KSR2: variants seen among roughly 807,000 people sequenced by gnomAD.
The protein encoded by KSR2 is kinase suppressor of ras 2.
KSR2 carries 25 observed loss-of-function variants against 107.8 expected under a neutral mutation model. The observed-to-expected ratio is 0.23, with a 90% CI of 0.17 to 0.32. The LOEUF (loss-of-function observed/expected upper bound fraction) is 0.32, where lower values mean the gene tolerates loss of function less well. KSR2 is among the 10% of genes least tolerant of loss of function. The pLI is 1.00. For synonymous variants in KSR2, 480 were observed against 507.0 expected (o/e 0.95, Z 0.71); for missense variants, 887 against 1,268.9 (o/e 0.70, Z 4.57).
chr12:117,759,387 G>T (rs1888915266), intron 4 of KSR2, among the ~76,000 whole-genome samples: 1 of 152,200 alleles, frequency 6.6e-6, no homozygotes, highest in African/African-American at 2.4e-5. Flanking sequence ...TGAATGGTCT[G>T]CAAAGCCTAA....
At chr12:117,964,606 T>G (rs1036866697) in intron 1 of KSR2, among the ~76,000 whole-genome samples, 2 of 152,184 alleles carry the variant, frequency 1.3e-5, no homozygotes, top group African/African-American at 2.4e-5. Flanking sequence ...GTAATGCCAA[T>G]CATTATCATC....
intron 1 of KSR2, among the ~76,000 whole-genome samples, chr12:117,864,531 C>G (rs183087984): frequency 6.6e-6 from 1 of 152,282 alleles, no homozygotes; most frequent in African/African-American, 2.4e-5. Context: ...CATTAGTTTA[C>G]TAGGACTGCT....
chr12:117,740,107 A>G (rs1033713296), intron 4 of KSR2, among the ~76,000 whole-genome samples: 7 of 150,780 alleles, frequency 4.6e-5, no homozygotes, highest in African/African-American at 1.7e-4. Flanking sequence ...GAGTCCCAAA[A>G]GTTCATTGTA....
intron 3 of KSR2, among the ~76,000 whole-genome samples, chr12:117,834,149 T>TA (rs201936852): frequency 0.14 from 18,309 of 132,466 alleles, 1,639 homozygotes; most frequent in African/African-American, 0.27. Flanking sequence ...TCAAAAAAAA[T>TA]AAAAAAAAAA....
At chr12:117,959,864 G>A (rs187432127) in intron 1 of KSR2, among the ~76,000 whole-genome samples, 103 of 151,838 alleles carry the variant, frequency 6.8e-4, no homozygotes, top group African/African-American at 2.4e-3. Context: ...CTGGGAGGTC[G>A]AGGCTTCAGT....
chr12:117,694,845 C>CTT (rs34228762), intron 4 of KSR2, among the ~76,000 whole-genome samples: 14,005 of 97,846 alleles, frequency 0.14, 1,644 homozygotes, highest in Admixed American at 0.16. Context: ...TTGTATGATT[C>CTT]TTTTTTTTTT....
chr12:117,822,556 C>T (rs957851257), intron 3 of KSR2, among the ~76,000 whole-genome samples: 1 of 152,214 alleles, frequency 6.6e-6, no homozygotes, highest in Non-Finnish European at 1.5e-5. Context: ...CTTAAATGTG[C>T]TCAGAACACT....
intron 5 of KSR2, among the ~76,000 whole-genome samples, chr12:117,633,734 T>G (rs1882917495): frequency 6.6e-6 from 1 of 152,200 alleles, no homozygotes; most frequent in African/African-American, 2.4e-5. Flanking sequence ...GACCTCACCC[T>G]AACTCATCGC....
chr12:117,668,815 G>A (rs1884778765), intron 4 of KSR2, among the ~76,000 whole-genome samples: 1 of 152,124 alleles, frequency 6.6e-6, no homozygotes, highest in Non-Finnish European at 1.5e-5. Context: ...GAAGCTTCAG[G>A]AAAGTTTGGT....
chr12:117,486,345 C>T (rs1180762090), intron 14 of KSR2, among the ~76,000 whole-genome samples: 3 of 152,168 alleles, frequency 2.0e-5, no homozygotes, highest in Admixed American at 6.5e-5. Context: ...AACACCTTCT[C>T]ATTTAGTTGC....
At chr12:117,540,311 G>A (rs1415988096) in intron 9 of KSR2, among the ~76,000 whole-genome samples, 1 of 152,098 alleles carries the variant, frequency 6.6e-6, no homozygotes, top group African/African-American at 2.4e-5. Context: ...TGAGCCTTCA[G>A]CATCTTAGCT....
chr12:117,729,968 T>C (rs1256893840), intron 4 of KSR2, among the ~76,000 whole-genome samples: 4 of 152,186 alleles, frequency 2.6e-5, no homozygotes, highest in Non-Finnish European at 5.9e-5. Context: ...TATCACATTT[T>C]CCACTTATTA....
At chr12:117,535,345 T>G (rs1875965625) in intron 10 of KSR2, among the ~76,000 whole-genome samples, 1 of 152,136 alleles carries the variant, frequency 6.6e-6, no homozygotes, top group African/African-American at 2.4e-5. Flanking sequence ...TGAAGACACA[T>G]TGCCTAGTCT....
At chr12:117,520,842 T>C (rs945521591) in intron 14 of KSR2, among the ~76,000 whole-genome samples, 2 of 152,046 alleles carry the variant, frequency 1.3e-5, no homozygotes, top group East Asian at 1.9e-4. Flanking sequence ...TAGAGTCCCC[T>C]GCACTCTGGA....
intron 1 of KSR2, among the ~76,000 whole-genome samples, chr12:117,919,254 C>T (rs1037910427): frequency 1.3e-5 from 2 of 152,156 alleles, no homozygotes; most frequent in Admixed American, 1.3e-4. Flanking sequence ...TGAACAAGTC[C>T]GAGAGCCCCT....
chr12:117,755,185 G>T (rs1888745028), intron 4 of KSR2, among the ~76,000 whole-genome samples: 1 of 152,344 alleles, frequency 6.6e-6, no homozygotes, highest in African/African-American at 2.4e-5. Flanking sequence ...AATCAAAGCT[G>T]TTCAGAGTAG....
chr12:117,619,321 A>G, intron 5 of KSR2, among the ~76,000 whole-genome samples: 1 of 151,714 alleles, frequency 6.6e-6, no homozygotes, highest in Non-Finnish European at 1.5e-5. Context: ...GTAACTCATC[A>G]TTTAACATTA....
At chr12:117,966,003 A>AAGGGGTTGCAAGAGCAACCCC (rs1896775132) in intron 1 of KSR2, among the ~76,000 whole-genome samples, 2 of 2,778 alleles carry the variant, frequency 7.2e-4, no homozygotes, top group Admixed American at 0.014. Flanking sequence ...GGCAAGATGG[A>AAGGGGTTGCAAGAGCAACCCC]TGAAAGTGGT....
intron 3 of KSR2, among the ~76,000 whole-genome samples, chr12:117,770,470 C>A (rs1053362729): frequency 6.6e-6 from 1 of 151,940 alleles, no homozygotes; most frequent in Non-Finnish European, 1.5e-5. Context: ...TTTCAAGCCC[C>A]TAGAACTGTG....
Sources: allele counts gnomAD v4.1 joint callset (sites outside exome capture counted in the v4.1 genomes callset), GRCh38; gene constraint gnomAD v4.1.1; transcripts MANE v1.5; gene names NCBI Gene and HGNC (gene_info 2026-07-23, HGNC 2026-07-21).